Variants in GRIN2B observed in about 807,000 individuals in gnomAD.
GRIN2B encodes the protein glutamate ionotropic receptor NMDA type subunit 2B, also known as glutamate receptor ionotropic, NMDA 2B.
Under a neutral mutation model 114.5 loss-of-function variants are expected in GRIN2B, and 5 were observed. The observed-to-expected ratio is 0.04, with a 90% CI of 0.02 to 0.09. GRIN2B has a LOEUF of 0.09. Among genes scored for constraint, GRIN2B ranks in the 10% least tolerant of loss-of-function variants. GRIN2B has a pLI of 1.00. For missense variants in GRIN2B, 1,108 were observed against 1,943.5 expected, an observed-to-expected ratio of 0.57 and a Z score of 8.08; for synonymous variants, 787 against 745.1, an observed-to-expected ratio of 1.06 and a Z score of -0.92.
chr12:13,934,657 C>T lies in GRIN2B; in HGVS notation c.-19+45271G>A, dbSNP rs553781161. ...TAACATCACAGACAGATGCCCATAA[C>T]AGGGCATCTGGCCATCACGTACAAC... On this transcript the variant is annotated intron_variant, in intron 2 of 13. Coordinates refer to ENST00000609686, the MANE Select transcript of GRIN2B (RefSeq NM_000834.5). Among the ~76,000 whole-genome samples, 8 of 151,708 alleles carry T rather than the reference C, an allele frequency of 5.3e-5. No individual in the cohort carries two copies. The South Asian group carries it at 1.2e-3, about 24-fold the overall frequency.
intron 5 of GRIN2B, among the ~76,000 whole-genome samples, chr12:13,667,832 T>C (rs1418859839): frequency 1.3e-5 from 2 of 152,196 alleles, no homozygotes; most frequent in Non-Finnish European, 2.9e-5. Context: ...TAATTCTTTG[T>C]AGGTGCAGAT....
At chr12:13,838,313 C>T (rs1865314266) in intron 3 of GRIN2B, among the ~76,000 whole-genome samples, 1 of 152,150 alleles carries the variant, frequency 6.6e-6, no homozygotes, top group Admixed American at 6.5e-5. Context: ...CTGATATTCC[C>T]TTGGATGCTT....
At chr12:13,770,305 G>T (rs914867275) in intron 3 of GRIN2B, among the ~76,000 whole-genome samples, 1 of 152,178 alleles carries the variant, frequency 6.6e-6, no homozygotes, top group African/African-American at 2.4e-5. Flanking sequence ...CCAATGAAGT[G>T]TCCATGATCA....
At chr12:13,674,425 G>C (rs984589584) in intron 5 of GRIN2B, among the ~76,000 whole-genome samples, 1 of 152,052 alleles carries the variant, frequency 6.6e-6, no homozygotes. Context: ...TATCTGACAA[G>C]AGAAAATGCA....
intron 2 of GRIN2B, among the ~76,000 whole-genome samples, chr12:13,923,658 T>C (rs1866860024): frequency 6.6e-6 from 1 of 152,178 alleles, no homozygotes; most frequent in Non-Finnish European, 1.5e-5. Context: ...ATGTTCACAA[T>C]ACACTTGCTG....
chr12:13,917,304 T>C (rs1591620166), intron 2 of GRIN2B, among the ~76,000 whole-genome samples: 2 of 152,218 alleles, frequency 1.3e-5, no homozygotes, highest in East Asian at 3.8e-4. Flanking sequence ...TATATGGGAA[T>C]AGTGTTTGCT....
chr12:13,651,725 C>T (rs1260126274), intron 5 of GRIN2B, among the ~76,000 whole-genome samples: 1 of 152,028 alleles, frequency 6.6e-6, no homozygotes, highest in Non-Finnish European at 1.5e-5. Flanking sequence ...CAGCCTATAT[C>T]AGAAGTTGTT....
At chr12:13,882,602 A>G (rs1866088388) in intron 2 of GRIN2B, among the ~76,000 whole-genome samples, 1 of 152,124 alleles carries the variant, frequency 6.6e-6, no homozygotes, top group East Asian at 1.9e-4. Context: ...CAGCGTTGTG[A>G]GACTTACGTG....
At chr12:13,696,160 A>G (rs1381103184) in intron 4 of GRIN2B, among the ~76,000 whole-genome samples, 2 of 152,196 alleles carry the variant, frequency 1.3e-5, no homozygotes, top group Non-Finnish European at 2.9e-5. Flanking sequence ...GGAAGCCTGG[A>G]GCATTAATGA....
rs1252660295 is a variant in GRIN2B at position 13,553,951 on chromosome 12, A to C, written c.*8832T>G. 2 of 152,222 alleles carry C rather than the reference A, an allele frequency of 1.3e-5. No individual in the cohort carries two copies. Among genetic ancestry groups the C allele is most frequent in the Admixed American group, 1.3e-4 (2 of 15,278 alleles). 9.4% of individuals were successfully genotyped at this position (152,222 alleles called of 1,614,324 possible). On this transcript the variant is annotated 3_prime_UTR_variant, in exon 14 of 14. Transcript: ENST00000609686. Reference sequence around the variant, plus strand: ...AAGGACAAAGCACTTAGAAAAATCCAGATTCCATTTGAAATAATGAACTGT... The same window carrying C: ...AAGGACAAAGCACTTAGAAAAATCCCGATTCCATTTGAAATAATGAACTGT...
At position 13,564,263 on chromosome 12, in the gene GRIN2B, T is replaced by C. The variant is rs1555102461; in HGVS notation, c.2975A>G (p.His992Arg). 2 of 1,614,116 alleles carry C rather than the reference T, an allele frequency of 1.2e-6. No homozygotes were observed. Among genetic ancestry groups the C allele is most frequent in the African/African-American group, 1.3e-5 (1 of 75,018 alleles). The change falls in exon 14 of 14, where the codon CAT (histidine) becomes CGT (arginine). Residue 992 changes from histidine (H) to arginine (R), a missense_variant. His to Arg is a conservative substitution (Grantham distance 29). Around this residue, in one of 19 missense-constraint regions of GRIN2B, gnomAD observed 140 missense variants for 187.5 expected, o/e 0.75. Transcript: ENST00000609686. The surrounding 1 kb of genome is among the most constrained non-coding windows in gnomAD (Gnocchi z 4.8). ...GATGGAGCTGGCACTGCCAATACTATGGGGCCGGTGGTGATGGTGGTAGTG... is the reference window on the plus strand; with the variant it reads ...GATGGAGCTGGCACTGCCAATACTACGGGGCCGGTGGTGATGGTGGTAGTG... Reference protein sequence around the residue: ...QDHYHHHHRPHSIGSASSIDG... With the variant: ...QDHYHHHHRPRSIGSASSIDG...
chr12:13,604,195 CG>C (rs367848207), intron 10 of GRIN2B, among the ~76,000 whole-genome samples: 179 of 152,234 alleles, frequency 1.2e-3, no homozygotes, highest in African/African-American at 4.0e-3. Context: ...AACGTACAGT[CG>C]GGTTGCTGAA....
intron 10 of GRIN2B, among the ~76,000 whole-genome samples, chr12:13,579,604 G>A (rs555253862): frequency 2.6e-5 from 4 of 152,080 alleles, no homozygotes; most frequent in East Asian, 3.9e-4. Flanking sequence ...CTTCATCATC[G>A]CCATTGGAAG....
chr12:13,853,290 T>C (rs1865603411), intron 3 of GRIN2B, among the ~76,000 whole-genome samples: 2 of 152,172 alleles, frequency 1.3e-5, no homozygotes, highest in African/African-American at 4.8e-5. Context: ...CTCAAATAGT[T>C]CCTAATACCC....
Position 13,558,504 on chromosome 12 carries a change from C to A in GRIN2B, c.*4279G>T, listed in dbSNP as rs1382504541. ...AAAAAAAAAAAATGAACCAAAGAAA[C>A]CTAGTTCTTAGTGACATGTGCAGGT... On this transcript the variant is annotated 3_prime_UTR_variant, in exon 14 of 14. Coordinates refer to ENST00000609686, the MANE Select transcript of GRIN2B (RefSeq NM_000834.5). 3.3e-5 allele frequency: 5 copies of A among 151,488 alleles called. No individual in the cohort carries two copies. The highest frequency in any genetic ancestry group is 3.4e-3 in the Middle Eastern group (1 of 294). 9.4% of individuals were successfully genotyped at this position (151,488 alleles called of 1,614,324 possible).
chr12:13,611,955 C>T (rs1225517742), intron 8 of GRIN2B, 105 bp from the exon 9 acceptor site: 3 of 1,161,394 alleles, frequency 2.6e-6, no homozygotes, highest in Admixed American at 1.8e-5. Flanking sequence ...GAACAAACCA[C>T]AATGTGTTGT....
At chr12:13,602,792 A>AAGAT (rs1235581594) in intron 10 of GRIN2B, among the ~76,000 whole-genome samples, 1 of 152,208 alleles carries the variant, frequency 6.6e-6, no homozygotes, top group Non-Finnish European at 1.5e-5. Context: ...GTTGCAGGCA[A>AAGAT]AGATAGCTAC....
rs1443817477 is a variant in GRIN2B, at chr12:13,563,095, C to G, written c.4143G>C (p.Arg1381=). 1.2e-6 allele frequency: 2 copies of G among 1,614,180 alleles called. No individual in the cohort carries two copies. The change falls in exon 14 of 14, where the codon CGG becomes CGC. Residue 1381 remains arginine, a synonymous_variant. Transcript: ENST00000609686. ...YMLSKSLYPD[R]VTQNPFIPTF... is the part of the protein sequence containing the mutation. ...TGGGGATGAAAGGGTTTTGCGTGACCCGGTCAGGGTAGAGCGACTTGCTGA... is the reference window on the plus strand; with the variant it reads ...TGGGGATGAAAGGGTTTTGCGTGACGCGGTCAGGGTAGAGCGACTTGCTGA...
chr12:13,948,567 G>A (rs547241091), intron 2 of GRIN2B, among the ~76,000 whole-genome samples: 2 of 152,204 alleles, frequency 1.3e-5, no homozygotes, highest in East Asian at 1.9e-4. Context: ...GTTGGTGGTG[G>A]CAGAGCCAAC....
Sources: gnomAD v4.1 joint callset for allele counts (sites outside exome capture counted in the v4.1 genomes callset) on GRCh38, gnomAD v4.1.1 for gene constraint, gnomAD v4.1.1 regional missense constraint, Gnocchi (gnomAD v3.1) non-coding constraint, MANE v1.5 for transcripts, NCBI Gene and HGNC (gene_info 2026-07-23, HGNC 2026-07-21) for gene names.